Variants in MAGI2 observed in about 807,000 individuals in gnomAD.
The protein encoded by MAGI2 is membrane associated guanylate kinase, WW and PDZ domain containing 2.
In MAGI2, 35 loss-of-function variants were observed where a neutral mutation model predicts 133.3. That is an observed-to-expected ratio of 0.26 (90% CI 0.20 to 0.35). The LOEUF (loss-of-function observed/expected upper bound fraction) is 0.35, where lower values mean the gene tolerates loss of function less well. Among genes scored for constraint, MAGI2 ranks in the 10% least tolerant of loss-of-function variants. MAGI2 has a pLI of 1.00. For missense variants in MAGI2, 1,636 were observed against 1,863.4 expected, an observed-to-expected ratio of 0.88 and a Z score of 2.25; for synonymous variants, 729 against 710.6, an observed-to-expected ratio of 1.03 and a Z score of -0.41.
chr7:78,697,168 A>T (rs1445549653), intron 2 of MAGI2, among the ~76,000 whole-genome samples: 1 of 151,882 alleles, frequency 6.6e-6, no homozygotes, highest in Non-Finnish European at 1.5e-5. Context: ...CTCTTTTCAC[A>T]TGTTTTTTCT....
intron 6 of MAGI2, among the ~76,000 whole-genome samples, chr7:78,387,735 T>C (rs1795515916): frequency 6.6e-6 from 1 of 152,112 alleles, no homozygotes; most frequent in South Asian, 2.1e-4. Context: ...GAGACCAGCC[T>C]AGGCAACATG....
chr7:78,569,241 A>T (rs1188537597), intron 3 of MAGI2, among the ~76,000 whole-genome samples: 2 of 151,996 alleles, frequency 1.3e-5, no homozygotes, highest in Non-Finnish European at 2.9e-5. Context: ...ATAGTGTTTC[A>T]TTTCTTACAT....
chr7:78,827,377 C>T (rs368765364), intron 2 of MAGI2, among the ~76,000 whole-genome samples: 47 of 152,196 alleles, frequency 3.1e-4, no homozygotes, highest in African/African-American at 1.1e-3. Context: ...CTCCTGGACT[C>T]AAGTAATCCT....
intron 3 of MAGI2, among the ~76,000 whole-genome samples, chr7:78,609,710 T>C (rs1806234827): frequency 1.3e-5 from 2 of 152,156 alleles, no homozygotes; most frequent in African/African-American, 4.8e-5. Flanking sequence ...TGGGCTGATG[T>C]AGTTTCCCAT....
intron 1 of MAGI2, among the ~76,000 whole-genome samples, chr7:79,329,222 G>A (rs1051629941): frequency 1.3e-5 from 2 of 152,182 alleles, no homozygotes; most frequent in African/African-American, 4.8e-5. Flanking sequence ...TCACTCTACA[G>A]ATCAATATTT....
chr7:78,198,753 C>T (rs1313093227), intron 11 of MAGI2, among the ~76,000 whole-genome samples: 1 of 152,148 alleles, frequency 6.6e-6, no homozygotes, highest in African/African-American at 2.4e-5. Context: ...AATGCTCTGT[C>T]CAGAAACTGT....
intron 2 of MAGI2, among the ~76,000 whole-genome samples, chr7:78,643,317 A>C (rs906349110): frequency 6.6e-6 from 1 of 152,180 alleles, no homozygotes; most frequent in African/African-American, 2.4e-5. Context: ...TTGAATTAGG[A>C]AGCTACAAAT....
intron 1 of MAGI2, among the ~76,000 whole-genome samples, chr7:79,408,271 G>T (rs1177577796): frequency 6.6e-6 from 1 of 151,858 alleles, no homozygotes; most frequent in Non-Finnish European, 1.5e-5. Context: ...ACTCTAATGA[G>T]AAATATTTTA....
At chr7:79,169,525 C>T (rs961663829) in intron 1 of MAGI2, among the ~76,000 whole-genome samples, 3 of 152,070 alleles carry the variant, frequency 2.0e-5, no homozygotes, top group African/African-American at 2.4e-5. Context: ...TCACTGGCAG[C>T]GCAAAACCTT....
At chr7:78,290,823 C>T (rs1391697688) in intron 9 of MAGI2, among the ~76,000 whole-genome samples, 2 of 152,164 alleles carry the variant, frequency 1.3e-5, no homozygotes, top group East Asian at 3.8e-4. Flanking sequence ...AACTGAACAG[C>T]TCCTGAATGA....
chr7:78,106,869 C>T, intron 20 of MAGI2, among the ~76,000 whole-genome samples: 1 of 152,028 alleles, frequency 6.6e-6, no homozygotes, highest in East Asian at 1.9e-4. Flanking sequence ...TGGATGTGAT[C>T]CCATTTGTCT....
chr7:79,037,973 A>G (rs537757880), intron 1 of MAGI2, among the ~76,000 whole-genome samples: 7 of 152,282 alleles, frequency 4.6e-5, no homozygotes, highest in Middle Eastern at 3.4e-3. Context: ...GACTTGGTTC[A>G]GGTTTAATTT....
chr7:78,905,628 T>C (rs1039861454), intron 2 of MAGI2, among the ~76,000 whole-genome samples: 4 of 152,164 alleles, frequency 2.6e-5, no homozygotes, highest in Non-Finnish European at 4.4e-5. Flanking sequence ...GTCAGGCTGA[T>C]TGTAGAGAGC....
chr7:79,012,078 T>C (rs1278047111), intron 1 of MAGI2: 1 of 152,052 alleles, frequency 6.6e-6, no homozygotes, highest in African/African-American at 2.4e-5. Context: ...AAAATGTTTC[T>C]TCCAGGAAAT....
chr7:78,149,619 G>T (rs1453613769), intron 16 of MAGI2, among the ~76,000 whole-genome samples: 6 of 152,142 alleles, frequency 3.9e-5, no homozygotes, highest in Non-Finnish European at 1.5e-5. Flanking sequence ...TTTCTAAGTT[G>T]AACTATTCTT....
At chr7:78,806,729 G>C (rs1583969845) in intron 2 of MAGI2, among the ~76,000 whole-genome samples, 2 of 151,764 alleles carry the variant, frequency 1.3e-5, no homozygotes, top group African/African-American at 4.8e-5. Flanking sequence ...AGCCAAGCAT[G>C]GTGTTGCATG....
At chr7:78,270,100 C>A (rs1794415781) in intron 9 of MAGI2, among the ~76,000 whole-genome samples, 1 of 151,938 alleles carries the variant, frequency 6.6e-6, no homozygotes, top group South Asian at 2.1e-4. Context: ...ATTTCTGGGG[C>A]CTCTGTTCTG....
At chr7:78,614,525 A>G (rs1023730753) in intron 3 of MAGI2, 5 of 152,168 alleles carry the variant, frequency 3.3e-5, no homozygotes, top group Admixed American at 3.3e-4. Context: ...GGGGCAAAAG[A>G]ATATGCAGTT....
chr7:78,282,525 ACTATCTAT>A (rs74347605), intron 9 of MAGI2, among the ~76,000 whole-genome samples: 12 of 151,956 alleles, frequency 7.9e-5, no homozygotes, highest in Admixed American at 3.9e-4. Flanking sequence ...AAGAATATTT[ACTATCTAT>A]CTATCTATCT....
Sources: allele counts gnomAD v4.1 joint callset (sites outside exome capture counted in the v4.1 genomes callset), GRCh38; gene constraint gnomAD v4.1.1; transcripts MANE v1.5; gene names NCBI Gene and HGNC (gene_info 2026-07-23, HGNC 2026-07-21).